SYNDIG1L: variants seen among roughly 807,000 people sequenced by gnomAD.
SYNDIG1L encodes the protein synapse differentiation-inducing gene protein 1-like.
Under a neutral mutation model 20.1 loss-of-function variants are expected in SYNDIG1L, and 13 were observed. That is an observed-to-expected ratio of 0.65 (90% CI 0.42 to 1.03). SYNDIG1L has a LOEUF of 1.03. Ranked by LOEUF, SYNDIG1L falls within the 50% of genes least tolerant of loss-of-function variation. The pLI is 0.00. For missense variants in SYNDIG1L, 294 were observed against 305.1 expected, an observed-to-expected ratio of 0.96 and a Z score of 0.27; for synonymous variants, 128 against 129.3, an observed-to-expected ratio of 0.99 and a Z score of 0.07.
chr14:74,459,341 T>TA, the SYNDIG1L span, among the ~76,000 whole-genome samples: 2 of 151,984 alleles, frequency 1.3e-5, no homozygotes, highest in African/African-American at 4.8e-5. Context: ...CCTGTCTCTA[T>TA]AAAAAATACA....
the SYNDIG1L span, chr14:74,476,686 C>G: frequency 3.4e-6 from 3 of 881,014 alleles, no homozygotes; most frequent in Non-Finnish European, 3.5e-6. Flanking sequence ...CTTCCAGGAC[C>G]CTTGAGCCAC....
upstream of SYNDIG1L, among the ~76,000 whole-genome samples, chr14:74,426,691 G>T (rs1270274046): frequency 6.6e-6 from 1 of 151,706 alleles, no homozygotes; most frequent in Non-Finnish European, 1.5e-5. Context: ...GCAATATAGT[G>T]CCCCTCTTCC....
the SYNDIG1L span, among the ~76,000 whole-genome samples, chr14:74,441,886 C>G: frequency 2.0e-5 from 3 of 152,240 alleles, no homozygotes; most frequent in East Asian, 5.8e-4. Flanking sequence ...GCAGATATAG[C>G]TGCAGGGAAC....
upstream of SYNDIG1L, among the ~76,000 whole-genome samples, chr14:74,426,276 C>T (rs1225967154): frequency 6.6e-6 from 1 of 152,118 alleles, no homozygotes; most frequent in Admixed American, 6.5e-5. Flanking sequence ...CTCTCGCTTC[C>T]GTGCTCCGTG....
the SYNDIG1L span, among the ~76,000 whole-genome samples, chr14:74,454,779 G>A: frequency 6.6e-6 from 1 of 152,174 alleles, no homozygotes; most frequent in East Asian, 1.9e-4. Context: ...CCTTCAGAAG[G>A]CTGGCATCCT....
At chr14:74,429,026 C>T (rs983870227), upstream of SYNDIG1L, among the ~76,000 whole-genome samples, 7 of 152,158 alleles carry the variant, frequency 4.6e-5, no homozygotes, top group African/African-American at 1.7e-4. Context: ...TTTCTAGGCA[C>T]TCTCTCTTTT....
At chr14:74,439,879 CAAAA>C in the SYNDIG1L span, among the ~76,000 whole-genome samples, 3 of 101,922 alleles carry the variant, frequency 2.9e-5, no homozygotes, top group East Asian at 2.9e-4. Flanking sequence ...AACTCCATCT[CAAAA>C]AAAAAAAAAA....
the SYNDIG1L span, among the ~76,000 whole-genome samples, chr14:74,453,271 T>G: frequency 1.4e-5 from 2 of 142,158 alleles, no homozygotes; most frequent in African/African-American, 5.3e-5. Context: ...GAGAATCACT[T>G]GAACCCAGGA....
the SYNDIG1L span, among the ~76,000 whole-genome samples, chr14:74,433,017 G>C: frequency 1.3e-5 from 2 of 152,144 alleles, no homozygotes; most frequent in Non-Finnish European, 2.9e-5. Context: ...GATTTGTATT[G>C]ATTCTTAAAT....
chr14:74,411,086 T>C (rs915491541), intron 1 of SYNDIG1L, among the ~76,000 whole-genome samples: 2 of 152,204 alleles, frequency 1.3e-5, no homozygotes, highest in Non-Finnish European at 2.9e-5. Flanking sequence ...GACCTCCTGC[T>C]GTCCCCCTCC....
At chr14:74,408,944 A>G (rs2086107575) in intron 2 of SYNDIG1L, among the ~76,000 whole-genome samples, 1 of 152,158 alleles carries the variant, frequency 6.6e-6, no homozygotes. Context: ...CATCGGCTGT[A>G]CATGTGTCCC....
intron 1 of SYNDIG1L, among the ~76,000 whole-genome samples, chr14:74,421,108 G>T (rs529595319): frequency 2.6e-5 from 4 of 151,984 alleles, no homozygotes; most frequent in African/African-American, 9.6e-5. Flanking sequence ...AAAAAACTTT[G>T]AAAAAAAATT....
At chr14:74,440,905 A>G in the SYNDIG1L span, among the ~76,000 whole-genome samples, 2 of 152,226 alleles carry the variant, frequency 1.3e-5, no homozygotes, top group South Asian at 4.1e-4. Context: ...TTTGGAGATA[A>G]GTCCCCAGTC....
chr14:74,415,624 C>T (rs770684015), intron 1 of SYNDIG1L, among the ~76,000 whole-genome samples: 44 of 152,060 alleles, frequency 2.9e-4, no homozygotes, highest in Non-Finnish European at 4.6e-4. Flanking sequence ...CACTGCGCCT[C>T]GACTTTTTGG....
upstream of SYNDIG1L, among the ~76,000 whole-genome samples, chr14:74,428,842 A>G (rs2086284352): frequency 6.6e-6 from 1 of 152,114 alleles, no homozygotes. Flanking sequence ...CGGATTTAAG[A>G]CACTTCTGGG....
At chr14:74,420,577 C>T (rs1308672831) in intron 1 of SYNDIG1L, among the ~76,000 whole-genome samples, 1 of 152,002 alleles carries the variant, frequency 6.6e-6, no homozygotes, top group African/African-American at 2.4e-5. Context: ...AGGTTTCTGG[C>T]TTTGTCAACC....
the SYNDIG1L span, among the ~76,000 whole-genome samples, chr14:74,434,658 TGAGA>T: frequency 2.7e-5 from 4 of 150,060 alleles, no homozygotes; most frequent in South Asian, 2.1e-4. Context: ...AGGGCAGATA[TGAGA>T]GAGAGAGAGA....
rs1022793681 is a variant in SYNDIG1L at position 74,407,482 on chromosome 14, C to T, written c.*53G>A. The T allele has an allele frequency of 6.2e-5, 99 of 1,608,544 alleles. No individual in the cohort carries two copies. The highest frequency in any genetic ancestry group is 7.8e-5 in the Non-Finnish European group (92 of 1,179,234). ...TTCCATAGGGTCTGCAACTCCAAGC[C>T]CCACTGCTTCCTCAGGTGGGCAGGG... On this transcript the variant is annotated 3_prime_UTR_variant, in exon 4 of 4. Transcript: ENST00000331628.
the SYNDIG1L span, among the ~76,000 whole-genome samples, chr14:74,448,590 A>G: frequency 6.6e-6 from 1 of 152,204 alleles, no homozygotes; most frequent in Non-Finnish European, 1.5e-5. Flanking sequence ...GTGCTTTTTA[A>G]GTACACAGAG....
Sources: gnomAD v4.1 joint callset for allele counts (sites outside exome capture counted in the v4.1 genomes callset) on GRCh38, gnomAD v4.1.1 for gene constraint, MANE v1.5 for transcripts, NCBI Gene and HGNC (gene_info 2026-07-23, HGNC 2026-07-21) for gene names.